Variants in DCC observed in about 807,000 individuals in gnomAD.
DCC encodes netrin receptor DCC.
Under a neutral mutation model 172.5 loss-of-function variants are expected in DCC, and 58 were observed. The ratio of observed to expected loss-of-function variants is 0.34; its 90% CI spans 0.27 to 0.42. The LOEUF is 0.42. Ranked by LOEUF, DCC falls within the 10% of genes least tolerant of loss-of-function variation. DCC has a pLI of 1.00. For missense variants in DCC, 1,740 were observed against 1,791.0 expected (o/e 0.97, Z 0.51); for synonymous variants, 709 against 644.5 (o/e 1.10, Z -1.52).
intron 2 of DCC, among the ~76,000 whole-genome samples, chr18:52,829,491 G>T (rs1424181069): frequency 1.3e-5 from 2 of 152,186 alleles, no homozygotes; most frequent in African/African-American, 2.4e-5. Context: ...CCTCCAGAGA[G>T]ATAGGGCAGT....
chr18:52,675,524 T>C (rs528689286), intron 1 of DCC, among the ~76,000 whole-genome samples: 91 of 152,282 alleles, frequency 6.0e-4, no homozygotes, highest in African/African-American at 2.0e-3. Flanking sequence ...CCCTAAAATG[T>C]GTATAACCAA....
chr18:53,320,742 T>G (rs757089287), intron 13 of DCC, among the ~76,000 whole-genome samples: 1 of 152,202 alleles, frequency 6.6e-6, no homozygotes, highest in Non-Finnish European at 1.5e-5. Flanking sequence ...TTTCAAGTAT[T>G]GTTTTGTGTG....
intron 23 of DCC, among the ~76,000 whole-genome samples, chr18:53,451,710 G>GCTGTCT (rs1555673571): frequency 2.7e-5 from 4 of 147,342 alleles, no homozygotes; most frequent in African/African-American, 9.9e-5. Flanking sequence ...GCTCGCTCTT[G>GCTGTCT]CTCTCTCTCT....
At chr18:52,850,028 G>A (rs944972648) in intron 2 of DCC, among the ~76,000 whole-genome samples, 17 of 152,174 alleles carry the variant, frequency 1.1e-4, no homozygotes, top group African/African-American at 4.1e-4. Context: ...CACCTTGATA[G>A]TTGGTGGGGT....
chr18:52,578,895 G>A (rs186306824), intron 1 of DCC, among the ~76,000 whole-genome samples: 5 of 152,026 alleles, frequency 3.3e-5, no homozygotes, highest in African/African-American at 9.7e-5. Flanking sequence ...GCGGGAGAAT[G>A]GCTTGAACCC....
rs1267443121 is a variant in DCC, at chr18:52,679,955, A to G, written c.92-72099A>G. ...ATGCTGTAACTAGAATAAAAGGTCA[A>G]ATAATCAGATAAAATTGTACGGAAT... On this transcript the variant is annotated intron_variant, in intron 1 of 28. Transcript: ENST00000442544. Among the ~76,000 whole-genome samples, 4 of 152,136 alleles carry G rather than the reference A, an allele frequency of 2.6e-5. No homozygotes were observed. The South Asian group carries it at 6.2e-4, about 24-fold the overall frequency.
intron 19 of DCC, among the ~76,000 whole-genome samples, chr18:53,408,956 A>G (rs1175850899): frequency 1.3e-5 from 2 of 152,202 alleles, no homozygotes; most frequent in East Asian, 1.9e-4. Context: ...GCATAATTCT[A>G]TAAGGCACTA....
intron 27 of DCC, among the ~76,000 whole-genome samples, chr18:53,502,922 C>G (rs997317683): frequency 1.3e-5 from 2 of 151,860 alleles, no homozygotes; most frequent in African/African-American, 2.4e-5. Flanking sequence ...TAAACGTGTG[C>G]CATGGTGGTT....
chr18:53,320,074 T>A (rs2057391309), intron 13 of DCC, among the ~76,000 whole-genome samples: 1 of 145,164 alleles, frequency 6.9e-6, no homozygotes, highest in African/African-American at 2.5e-5. Flanking sequence ...AGAGTACTTT[T>A]TTTTTTTTTT....
chr18:52,943,647 T>C (rs180723743), intron 5 of DCC, among the ~76,000 whole-genome samples: 29 of 152,376 alleles, frequency 1.9e-4, no homozygotes, highest in Non-Finnish European at 1.2e-4. Flanking sequence ...GTTTCACATT[T>C]ATTTTTATTT....
At chr18:52,842,053 C>T (rs1286982670) in intron 2 of DCC, among the ~76,000 whole-genome samples, 3 of 151,406 alleles carry the variant, frequency 2.0e-5, no homozygotes, top group African/African-American at 7.3e-5. Context: ...TTTTAATGAC[C>T]ATAAAAAGTA....
chr18:52,686,344 A>G (rs1036509476), intron 1 of DCC, among the ~76,000 whole-genome samples: 2 of 152,164 alleles, frequency 1.3e-5, no homozygotes, highest in African/African-American at 4.8e-5. Context: ...CTGTTCCAAC[A>G]GAACTCTACA....
At chr18:52,575,265 G>C (rs555118814) in intron 1 of DCC, among the ~76,000 whole-genome samples, 1 of 152,160 alleles carries the variant, frequency 6.6e-6, no homozygotes, top group South Asian at 2.1e-4. Context: ...ATAGCTTTGG[G>C]CATTTAAAAT....
At chr18:52,922,295 A>G (rs866199751) in intron 3 of DCC, among the ~76,000 whole-genome samples, 2 of 152,176 alleles carry the variant, frequency 1.3e-5, no homozygotes, top group South Asian at 2.1e-4. Flanking sequence ...TACTGTCTCA[A>G]CTACTAGCTT....
At chr18:53,526,840 C>A in intron 28 of DCC, 81 bp downstream of exon 28, 1 of 1,273,716 alleles carries the variant, frequency 7.9e-7, no homozygotes. Flanking sequence ...CCAATGAGTA[C>A]TGTCCATTCA....
At chr18:52,714,064 T>C (rs187393293) in intron 1 of DCC, among the ~76,000 whole-genome samples, 2 of 152,212 alleles carry the variant, frequency 1.3e-5, no homozygotes, top group Non-Finnish European at 2.9e-5. Flanking sequence ...AAGTACTTTA[T>C]ATGAATCTTA....
At chr18:52,525,244 G>T (rs1215165971) in intron 1 of DCC, among the ~76,000 whole-genome samples, 1 of 152,046 alleles carries the variant, frequency 6.6e-6, no homozygotes, top group Non-Finnish European at 1.5e-5. Flanking sequence ...TAGTCTATAT[G>T]ATATCATTCT....
chr18:52,582,435 GCTGGT>G (rs1398935734), intron 1 of DCC, among the ~76,000 whole-genome samples: 1 of 152,108 alleles, frequency 6.6e-6, no homozygotes, highest in African/African-American at 2.4e-5. Flanking sequence ...TCACAGTTCT[GCTGGT>G]TATTTAGCCA....
At chr18:52,429,530 A>G (rs1987551589) in intron 1 of DCC, among the ~76,000 whole-genome samples, 1 of 152,088 alleles carries the variant, frequency 6.6e-6, no homozygotes, top group Admixed American at 6.6e-5. Flanking sequence ...AACGTTTTCT[A>G]TGTAATCAGA....
Sources: allele counts gnomAD v4.1 joint callset (sites outside exome capture counted in the v4.1 genomes callset), GRCh38; gene constraint gnomAD v4.1.1; transcripts MANE v1.5; gene names NCBI Gene and HGNC (gene_info 2026-07-23, HGNC 2026-07-21).